CCDC146: variants seen among roughly 807,000 people sequenced by gnomAD.
The protein encoded by CCDC146 is coiled-coil domain containing 146.
In CCDC146, 92 loss-of-function variants were observed where a neutral mutation model predicts 119.3. That is an observed-to-expected ratio of 0.77 (90% confidence interval 0.65 to 0.92). The LOEUF (loss-of-function observed/expected upper bound fraction) is 0.92. CCDC146 is among the 40% of genes least tolerant of loss of function. The pLI, the probability that CCDC146 is intolerant of heterozygous loss-of-function variation, is 0.00. For missense variants in CCDC146, 1,000 were observed against 1,103.0 expected, an observed-to-expected ratio of 0.91 and a Z score of 1.32; for synonymous variants, 372 against 371.8, an observed-to-expected ratio of 1.00 and a Z score of -0.01.
intron 2 of CCDC146, among the ~76,000 whole-genome samples, chr7:77,233,960 C>T (rs927791290): frequency 6.6e-6 from 1 of 151,460 alleles, no homozygotes. Context: ...TAAGGCAGAG[C>T]CTATGTTATA....
chr7:77,124,716 A>G (rs1790668885), intron 1 of CCDC146, among the ~76,000 whole-genome samples: 1 of 152,228 alleles, frequency 6.6e-6, no homozygotes, highest in African/African-American at 2.4e-5. Context: ...GGTCATGAAC[A>G]TATACTTCTG....
At chr7:77,231,818 G>GTTTTT (rs71524924) in intron 2 of CCDC146, among the ~76,000 whole-genome samples, 1 of 137,886 alleles carries the variant, frequency 7.3e-6, no homozygotes, top group Non-Finnish European at 1.6e-5. Context: ...TGTTGTTGTT[G>GTTTTT]TTTTTTTTTT....
intron 17 of CCDC146, 91 bp downstream of exon 17, chr7:77,287,668 C>T: frequency 1.4e-6 from 2 of 1,390,748 alleles, no homozygotes; most frequent in Admixed American, 4.4e-5. Context: ...GAGAGAAGCA[C>T]TGGAGAGATT....
chr7:77,206,273 T>C (rs1046410012), intron 2 of CCDC146, among the ~76,000 whole-genome samples: 1 of 152,226 alleles, frequency 6.6e-6, no homozygotes, highest in South Asian at 2.1e-4. Flanking sequence ...TACCTGCTTA[T>C]CACTTGTGTT....
intron 1 of CCDC146, among the ~76,000 whole-genome samples, chr7:77,135,446 CTGAAAAAAAAAAGAGAGAGAAAGAA>C (rs1437651423): frequency 7.0e-6 from 1 of 143,476 alleles, no homozygotes; most frequent in East Asian, 2.0e-4. Flanking sequence ...GAGTGAGACA[CTGAAAAAAAAAAGAGAGAGAAAGAA>C]AGAAAGAGCG....
intron 14 of CCDC146, among the ~76,000 whole-genome samples, chr7:77,281,726 G>C (rs1225011872): frequency 2.0e-5 from 3 of 152,138 alleles, no homozygotes; most frequent in Non-Finnish European, 4.4e-5. Context: ...AGGAAGGGGA[G>C]TCATAGATAG....
intron 1 of CCDC146, among the ~76,000 whole-genome samples, chr7:77,140,536 A>C (rs573234872): frequency 1.6e-4 from 24 of 152,206 alleles, no homozygotes; most frequent in African/African-American, 4.3e-4. Flanking sequence ...AGAGGAAGGA[A>C]ACTGTCTTCT....
intron 2 of CCDC146, among the ~76,000 whole-genome samples, chr7:77,222,091 C>G (rs1456241265): frequency 2.0e-5 from 3 of 152,206 alleles, no homozygotes; most frequent in African/African-American, 4.8e-5. Flanking sequence ...CTTGTCTAAA[C>G]ATGCGGCCAG....
intron 3 of CCDC146, among the ~76,000 whole-genome samples, chr7:77,239,194 C>A (rs1396594621): frequency 6.6e-6 from 1 of 152,196 alleles, no homozygotes; most frequent in Non-Finnish European, 1.5e-5. Flanking sequence ...ACCACCCTGT[C>A]CTTTCTATGC....
At chr7:77,179,115 A>T (rs1033074646) in intron 2 of CCDC146, among the ~76,000 whole-genome samples, 4 of 152,172 alleles carry the variant, frequency 2.6e-5, no homozygotes, top group African/African-American at 7.2e-5. Context: ...CAAGACAATT[A>T]CTAAAGTTTT....
intron 1 of CCDC146, among the ~76,000 whole-genome samples, chr7:77,141,312 CTA>C (rs1278443981): frequency 6.6e-6 from 1 of 152,214 alleles, no homozygotes; most frequent in Non-Finnish European, 1.5e-5. Flanking sequence ...TTGATCCAGT[CTA>C]TCACTGATGG....
chr7:77,139,001 C>T (rs1790897302), intron 1 of CCDC146, among the ~76,000 whole-genome samples: 1 of 152,208 alleles, frequency 6.6e-6, no homozygotes, highest in African/African-American at 2.4e-5. Context: ...AGCAATCATG[C>T]TCCTTAATAT....
intron 2 of CCDC146, among the ~76,000 whole-genome samples, chr7:77,233,597 A>G (rs1321422008): frequency 6.6e-6 from 1 of 152,206 alleles, no homozygotes; most frequent in African/African-American, 2.4e-5. Flanking sequence ...TTGGGATGAA[A>G]CTGTTCCACC....
intron 1 of CCDC146, among the ~76,000 whole-genome samples, chr7:77,166,416 T>C (rs1187950345): frequency 2.6e-5 from 4 of 151,648 alleles, no homozygotes; most frequent in Admixed American, 6.6e-5. Context: ...AAATTAAAAA[T>C]TGCCAAAAAT....
intron 6 of CCDC146, chr7:77,257,237 T>C (rs1487805084): frequency 6.6e-6 from 1 of 152,096 alleles, no homozygotes; most frequent in African/African-American, 2.4e-5. Flanking sequence ...TTCCTCTCAG[T>C]AGAAAAGGGA....
In CCDC146 at chr7:77,214,656, C is replaced by G. The variant is rs572614901; in HGVS notation, c.157-22291C>G. Among the ~76,000 whole-genome samples the G allele has an allele frequency of 4.2e-4, 64 of 152,136 alleles. 1 individual carries two copies. Among genetic ancestry groups the G allele is most frequent in the Non-Finnish European group, 5.9e-5 (4 of 68,020 alleles). ...GTTTCATTCTTCTGAATATAGCTAG[C>G]CACTTTTTCCAGTACCATTTTTTTG... On this transcript the variant is annotated intron_variant, in intron 2 of 18. Transcript: ENST00000285871.
chr7:77,216,997 T>C (rs1792313619), intron 2 of CCDC146, among the ~76,000 whole-genome samples: 2 of 152,288 alleles, frequency 1.3e-5, no homozygotes, highest in Admixed American at 6.5e-5. Flanking sequence ...TTTTATTGTA[T>C]TGAAAGTACA....
rs1350109676 is a variant in CCDC146, at chr7:77,122,669, C to A, written c.-75C>A. The A allele has an allele frequency of 1.1e-5, 2 of 176,166 alleles. No homozygotes were observed. The highest frequency in any genetic ancestry group is 3.1e-4 in the East Asian group (2 of 6,516). 10.9% of individuals were successfully genotyped at this position (176,166 alleles called of 1,614,324 possible). On this transcript the variant is annotated 5_prime_UTR_variant, in exon 1 of 19. Coordinates refer to ENST00000285871, the MANE Select transcript of CCDC146 (RefSeq NM_020879.3). ...AGAGGGTGGAGCTTTGGAGTGAGAC[C>A]CAGGAGGCCAAATCCCAAAGAGAAA...
intron 2 of CCDC146, among the ~76,000 whole-genome samples, chr7:77,208,198 C>G (rs974895450): frequency 6.6e-6 from 1 of 152,156 alleles, no homozygotes; most frequent in Non-Finnish European, 1.5e-5. Context: ...AAAATGGACA[C>G]TTTTAGAGTC....
Sources: allele counts gnomAD v4.1 joint callset (sites outside exome capture counted in the v4.1 genomes callset), GRCh38; gene constraint gnomAD v4.1.1; transcripts MANE v1.5; gene names NCBI Gene and HGNC (gene_info 2026-07-23, HGNC 2026-07-21).